Variants in RIMBP2 observed in about 807,000 individuals in gnomAD.
The protein encoded by RIMBP2 is RIMS-binding protein 2.
In RIMBP2, 48 loss-of-function variants were observed where a neutral mutation model predicts 118.6. The ratio of observed to expected loss-of-function variants is 0.40; its 90% confidence interval spans 0.32 to 0.51. The LOEUF (loss-of-function observed/expected upper bound fraction) is 0.51, where lower values mean the gene tolerates loss of function less well. Among genes scored for constraint, RIMBP2 ranks in the 20% least tolerant of loss-of-function variants. The pLI is 0.41. For missense variants in RIMBP2, 1,551 were observed against 1,768.3 expected, an observed-to-expected ratio of 0.88 and a Z score of 2.20; for synonymous variants, 762 against 742.9, an observed-to-expected ratio of 1.03 and a Z score of -0.42.
intron 2 of RIMBP2, among the ~76,000 whole-genome samples, chr12:130,530,708 T>C (rs913335388): frequency 6.6e-6 from 1 of 152,358 alleles, no homozygotes; most frequent in East Asian, 1.9e-4. Flanking sequence ...TGCCTTTTTT[T>C]AAAAAATCAC....
intron 5 of RIMBP2, 119 bp downstream of exon 5, chr12:130,478,791 CAG>C (rs923329981): frequency 1.0e-5 from 7 of 670,644 alleles, no homozygotes; most frequent in African/African-American, 5.4e-5. Flanking sequence ...TCTGTGCAAG[CAG>C]AGAGAGGGAG....
At chr12:130,619,660 T>C (rs1713961320) in intron 2 of RIMBP2, among the ~76,000 whole-genome samples, 1 of 146,984 alleles carries the variant, frequency 6.8e-6, no homozygotes, top group African/African-American at 2.5e-5. Flanking sequence ...CCACGGTGTG[T>C]CGTCAAGGGG....
chr12:130,494,771 A>T (rs1314877485), intron 4 of RIMBP2, among the ~76,000 whole-genome samples: 1 of 152,170 alleles, frequency 6.6e-6, no homozygotes, highest in Non-Finnish European at 1.5e-5. Flanking sequence ...TGCTGTCCAG[A>T]GCACTTGGCC....
chr12:130,495,928 G>C (rs990236661), intron 4 of RIMBP2, among the ~76,000 whole-genome samples: 4 of 152,150 alleles, frequency 2.6e-5, no homozygotes, highest in African/African-American at 7.2e-5. Flanking sequence ...ACTCAGACTG[G>C]TCTAACTAAA....
Position 130,524,350 on chromosome 12 carries a change from C to T in RIMBP2, c.-216-6433G>A, listed in dbSNP as rs540221694. On this transcript the variant is annotated intron_variant, in intron 2 of 22. Coordinates refer to ENST00000690449, the MANE Select transcript of RIMBP2 (RefSeq NM_001393629.1). ...GATTCCCAGTGGCCTCAAGCAGAGC[C>T]GAGCCAGGCCAGATTCCCGGTGGCC... Among the ~76,000 whole-genome samples, 14 of 149,438 alleles carry T rather than the reference C, an allele frequency of 9.4e-5. No individual in the cohort carries two copies. The East Asian group carries it at 2.1e-3, about 23-fold the overall frequency.
chr12:130,689,323 C>T (rs577901668), intron 1 of RIMBP2, among the ~76,000 whole-genome samples: 1 of 152,252 alleles, frequency 6.6e-6, no homozygotes, highest in South Asian at 2.1e-4. Context: ...ATTCCAGCTA[C>T]TGGGGAGGCT....
intron 1 of RIMBP2, among the ~76,000 whole-genome samples, chr12:130,633,064 A>C (rs567713361): frequency 1.6e-4 from 25 of 152,278 alleles, no homozygotes; most frequent in African/African-American, 5.3e-4. Context: ...TCTGTTTACT[A>C]CAAGGTCCTC....
chr12:130,686,335 G>A (rs1220975466), intron 1 of RIMBP2, among the ~76,000 whole-genome samples: 3 of 152,144 alleles, frequency 2.0e-5, no homozygotes, highest in Non-Finnish European at 4.4e-5. Context: ...TGCAAGGTGC[G>A]GCAGCACAGA....
At chr12:130,560,520 TG>T (rs2056738076) in intron 2 of RIMBP2, among the ~76,000 whole-genome samples, 2 of 152,290 alleles carry the variant, frequency 1.3e-5, no homozygotes, top group South Asian at 4.1e-4. Flanking sequence ...AGGCAGTATG[TG>T]CTCTGCTCCC....
chr12:130,694,016 T>A (rs146807703), intron 1 of RIMBP2, among the ~76,000 whole-genome samples: 28 of 152,360 alleles, frequency 1.8e-4, no homozygotes, highest in Non-Finnish European at 3.2e-4. Context: ...CTGGGATTCC[T>A]GCATCCGAAC....
At chr12:130,584,619 A>G (rs906393055) in intron 2 of RIMBP2, among the ~76,000 whole-genome samples, 1 of 150,940 alleles carries the variant, frequency 6.6e-6, no homozygotes, top group South Asian at 2.1e-4. Context: ...TGACCATTAC[A>G]TCATCATCAC....
chr12:130,449,865 G>A (rs1321487743), intron 9 of RIMBP2, among the ~76,000 whole-genome samples: 2 of 152,200 alleles, frequency 1.3e-5, no homozygotes, highest in East Asian at 1.9e-4. Context: ...CCGGCAGCCA[G>A]AAGAGGAAAG....
chr12:130,548,784 G>A (rs1454785060), intron 2 of RIMBP2, among the ~76,000 whole-genome samples: 1 of 151,800 alleles, frequency 6.6e-6, no homozygotes, highest in African/African-American at 2.4e-5. Context: ...ATGTTGACCA[G>A]GCTGGTCTCA....
chr12:130,654,139 T>C (rs906443958), intron 1 of RIMBP2, among the ~76,000 whole-genome samples: 1 of 152,246 alleles, frequency 6.6e-6, no homozygotes, highest in African/African-American at 2.4e-5. Flanking sequence ...TTTTTCCTTC[T>C]CTGCCACATG....
At chr12:130,712,248 T>G (rs769465317) in intron 1 of RIMBP2, among the ~76,000 whole-genome samples, 9 of 152,242 alleles carry the variant, frequency 5.9e-5, no homozygotes, top group Non-Finnish European at 1.2e-4. Flanking sequence ...GCCCTCAGCT[T>G]ACTTCGTTGC....
At position 130,576,848 on chromosome 12, in the gene RIMBP2, C is replaced by T. The variant is rs996683887; in HGVS notation, c.-217+51474G>A. Among the ~76,000 whole-genome samples the T allele has an allele frequency of 6.6e-6, 1 of 152,198 alleles. No individual in the cohort carries two copies. The highest frequency in any genetic ancestry group is 2.4e-5 in the African/African-American group (1 of 41,452). The stretch of plus-strand genomic sequence containing the variant: ...TTCCATCGCGTGTCCAGGCGCAGTG[C>T]CTGGGAGCAAATATCTCCATGTAGA... On this transcript the variant is annotated intron_variant, in intron 2 of 22. Coordinates refer to ENST00000690449, the MANE Select transcript of RIMBP2 (RefSeq NM_001393629.1). This position sits in a 1 kb window ranked among gnomAD's most constrained non-coding sequence, Gnocchi z 4.2.
chr12:130,627,950 TA>T (rs2061747392), intron 2 of RIMBP2, among the ~76,000 whole-genome samples: 1 of 152,206 alleles, frequency 6.6e-6, no homozygotes, highest in Non-Finnish European at 1.5e-5. Context: ...ACTCTCCACC[TA>T]AAATCAATCA....
At chr12:130,631,953 G>A (rs1157417574) in intron 1 of RIMBP2, among the ~76,000 whole-genome samples, 1 of 152,218 alleles carries the variant, frequency 6.6e-6, no homozygotes, top group Non-Finnish European at 1.5e-5. Flanking sequence ...CTTTCTCAAA[G>A]GAAACCTTAT....
intron 2 of RIMBP2, among the ~76,000 whole-genome samples, chr12:130,534,164 TTA>T (rs1491179307): frequency 2.6e-5 from 1 of 38,414 alleles, no homozygotes; most frequent in African/African-American, 8.1e-5. Flanking sequence ...AAACTCCATC[TTA>T]AAAAAAAAAA....
Sources: allele counts gnomAD v4.1 joint callset (sites outside exome capture counted in the v4.1 genomes callset), GRCh38; gene constraint gnomAD v4.1.1; non-coding constraint Gnocchi (gnomAD v3.1); transcripts MANE v1.5; gene names NCBI Gene and HGNC (gene_info 2026-07-23, HGNC 2026-07-21).